Variants in ABCA9 observed in about 807,000 individuals in gnomAD.
The protein encoded by ABCA9 is ATP-binding cassette sub-family A member 9.
In ABCA9, 183 loss-of-function variants were observed where a neutral mutation model predicts 205.3. That is an observed-to-expected ratio of 0.89 (90% CI 0.79 to 1.01). The LOEUF is 1.01. ABCA9 is among the 50% of genes least tolerant of loss of function. The probability of loss-of-function intolerance (pLI) is 0.00; values close to 1 mark genes in which losing one functional copy is unlikely to be tolerated. For missense variants in ABCA9, 1,805 were observed against 1,912.4 expected, an observed-to-expected ratio of 0.94 and a Z score of 1.05; for synonymous variants, 651 against 683.3, an observed-to-expected ratio of 0.95 and a Z score of 0.74.
the ABCA9 span, among the ~76,000 whole-genome samples, chr17:69,075,308 A>C: frequency 1.3e-5 from 2 of 152,144 alleles, no homozygotes; most frequent in Non-Finnish European, 2.9e-5. Context: ...TTAGTCATAA[A>C]TTCTTTCCTA....
chr17:69,070,727 C>T, the ABCA9 span, among the ~76,000 whole-genome samples: 8 of 152,294 alleles, frequency 5.3e-5, no homozygotes, highest in East Asian at 9.6e-4. Context: ...GCACCTGGAA[C>T]GCCAGTGAGA....
intron 25 of ABCA9, among the ~76,000 whole-genome samples, chr17:68,999,948 T>A (rs959209579): frequency 2.6e-5 from 4 of 152,232 alleles, no homozygotes; most frequent in Admixed American, 2.6e-4. Context: ...TCTGTTCATG[T>A]CCTTCGCCCA....
At chr17:69,057,397 C>CCA (rs1432529378) in intron 1 of ABCA9, among the ~76,000 whole-genome samples, 6 of 152,092 alleles carry the variant, frequency 3.9e-5, no homozygotes, top group African/African-American at 1.4e-4. Flanking sequence ...TGAGGGTAAC[C>CCA]CACATAAGGG....
intron 18 of ABCA9, among the ~76,000 whole-genome samples, chr17:69,021,378 A>G (rs751656721): frequency 2.0e-5 from 3 of 152,122 alleles, no homozygotes; most frequent in Non-Finnish European, 4.4e-5. Context: ...AAAAGCAACA[A>G]CTAAATCCCA....
intron 33 of ABCA9, 36 bp downstream of exon 33, chr17:68,985,017 C>T (rs769605774): frequency 1.7e-5 from 27 of 1,614,058 alleles, no homozygotes; most frequent in Middle Eastern, 1.6e-4. Context: ...TTCCCATCTA[C>T]GGCACTTGCA....
At chr17:69,026,720 C>T (rs2144332419) in intron 15 of ABCA9, among the ~76,000 whole-genome samples, 1 of 152,180 alleles carries the variant, frequency 6.6e-6, no homozygotes, top group East Asian at 1.9e-4. Flanking sequence ...ACACTGACAT[C>T]AAGACTGCCT....
chr17:69,047,693 T>C (rs946413630), intron 3 of ABCA9, among the ~76,000 whole-genome samples: 2 of 152,224 alleles, frequency 1.3e-5, no homozygotes, highest in African/African-American at 4.8e-5. Context: ...TGTAAGTTCC[T>C]GTTTTCCCAT....
intron 2 of ABCA9, among the ~76,000 whole-genome samples, chr17:69,050,150 A>T (rs1359377328): frequency 6.6e-6 from 1 of 152,046 alleles, no homozygotes; most frequent in Non-Finnish European, 1.5e-5. Flanking sequence ...TTTCTATCTT[A>T]ATAGAAAAAT....
At chr17:68,986,003 T>C (rs541366133) in intron 32 of ABCA9, among the ~76,000 whole-genome samples, 161 bp downstream of exon 32, 58 of 152,150 alleles carry the variant, frequency 3.8e-4, no homozygotes, top group African/African-American at 1.3e-3. Flanking sequence ...CTCTCCAGGC[T>C]CAAAGTGAGA....
In ABCA9 at chr17:68,983,837, G is replaced by A; in HGVS notation, c.4512C>T (p.Ser1504=). 1 of 1,614,144 alleles carries A rather than the reference G, an allele frequency of 6.2e-7. No homozygotes were observed. Among genetic ancestry groups the A allele is most frequent in the Non-Finnish European group, 8.5e-7 (1 of 1,180,028 alleles). Residue 1504 remains serine (S), a synonymous_variant, in exon 36 of 39, where the codon TCC becomes TCT. Coordinates refer to ENST00000340001, the MANE Select transcript of ABCA9 (RefSeq NM_080283.4). ...MVSGRLRCIG[S]IQHLKSKFGK... ...CAAATTTGCTTTTCAGGTGTTGGAT[G>A]GAACCAATACATCTGAAGGTAACAG... is the stretch of plus-strand genomic sequence containing the variant.
In ABCA9 at chr17:68,989,796, G is replaced by A. The variant is rs117769122; in HGVS notation, c.3955+17C>T. 2.3e-4 allele frequency: 325 copies of A among 1,399,828 alleles called. 2 individuals are homozygous for A. In the East Asian group the frequency reaches 7.3e-3, roughly 31 times the overall value. 86.7% of individuals were successfully genotyped at this position (1,399,828 alleles called of 1,614,324 possible). A position where few individuals can be genotyped will look rare whatever the true frequency, so the allele number is the denominator to read the frequency against. The stretch of plus-strand genomic sequence containing the variant: ...CAGATTCAAGATTGCTCTACTAATG[G>A]AACTACTGTTTCCAACCTTTTTTAA... On this transcript the variant is annotated intron_variant, in intron 30 of 38. Transcript: ENST00000340001.
chr17:69,024,169 A>C (rs775763051), intron 17 of ABCA9, 45 bp downstream of exon 17: 5 of 1,603,336 alleles, frequency 3.1e-6, no homozygotes, highest in Non-Finnish European at 4.3e-6. Context: ...GTTATTGTTA[A>C]TAACACCATT....
At position 68,985,278 on chromosome 17, in the gene ABCA9, C is replaced by A. The variant is rs1006270872; in HGVS notation, c.4209-150G>T. On this transcript the variant is annotated intron_variant, in intron 32 of 38. Transcript: ENST00000340001. ...TTAAACCACCTAGGTACTTTATGAA[C>A]CTTTCATAGTCATCAAACTCATATT... The A allele has an allele frequency of 1.1e-5, 10 of 895,624 alleles. No individual in the cohort carries two copies. In the African/African-American group the frequency reaches 1.2e-4, roughly 10 times the overall value. 55.5% of individuals were successfully genotyped at this position (895,624 alleles called of 1,614,324 possible). A position where few individuals can be genotyped will look rare whatever the true frequency, so the allele number is the denominator to read the frequency against.
chr17:69,007,270 G>A lies in ABCA9; in HGVS notation c.3435+489C>T, dbSNP rs375732534. 4.5e-3 allele frequency among the ~76,000 whole-genome samples: 680 copies of A among 152,110 alleles called. 11 individuals carry two copies. The highest frequency in any genetic ancestry group is 0.015 in the African/African-American group (626 of 41,494). On this transcript the variant is annotated intron_variant, in intron 25 of 38. Transcript: ENST00000340001. Reference sequence around the variant, plus strand: ...ACAAAAATTAGCCGGGTGTGGTGGCGCACACCTGTAATCCTAGCTACTCAG... The same window carrying A: ...ACAAAAATTAGCCGGGTGTGGTGGCACACACCTGTAATCCTAGCTACTCAG...
chr17:69,044,485 C>G lies in ABCA9; in HGVS notation c.573+12G>C, dbSNP rs1219152118. 7.5e-6 allele frequency: 12 copies of G among 1,609,362 alleles called. No homozygotes were observed. Among genetic ancestry groups the G allele is most frequent in the Non-Finnish European group, 1.0e-5 (12 of 1,176,752 alleles). ...ATGCAATGTGGTTAGATTCCTTTAA[C>G]TTTATACTCACTTCTATGATAGCAG... On this transcript the variant is annotated intron_variant, in intron 5 of 38. Coordinates refer to ENST00000340001, the MANE Select transcript of ABCA9 (RefSeq NM_080283.4).
chr17:69,004,323 G>A (rs1166863392), intron 25 of ABCA9, among the ~76,000 whole-genome samples: 1 of 152,208 alleles, frequency 6.6e-6, no homozygotes, highest in Non-Finnish European at 1.5e-5. Context: ...CTGTTTGTTA[G>A]TTTTCCTTCT....
At chr17:69,001,950 G>A (rs1250708297) in intron 25 of ABCA9, among the ~76,000 whole-genome samples, 1 of 150,800 alleles carries the variant, frequency 6.6e-6, no homozygotes, top group Non-Finnish European at 1.5e-5. Flanking sequence ...ATTTCTGTGG[G>A]ATCGGTGGTG....
intron 17 of ABCA9, among the ~76,000 whole-genome samples, chr17:69,022,917 G>C (rs1174293210): frequency 6.6e-6 from 1 of 152,096 alleles, no homozygotes; most frequent in Non-Finnish European, 1.5e-5. Context: ...CTTACCTAAG[G>C]GTTAATTGTT....
chr17:68,978,084 A>T (rs549833686), intron 37 of ABCA9, among the ~76,000 whole-genome samples: 1 of 152,254 alleles, frequency 6.6e-6, no homozygotes, highest in South Asian at 2.1e-4. Context: ...GTCTGCCATT[A>T]TTATTGTGTG....
Sources: gnomAD v4.1 joint callset for allele counts (sites outside exome capture counted in the v4.1 genomes callset) on GRCh38, gnomAD v4.1.1 for gene constraint, MANE v1.5 for transcripts, NCBI Gene and HGNC (gene_info 2026-07-23, HGNC 2026-07-21) for gene names.